The following PDE12 variants were observed in gnomAD, a reference collection of about 807,000 sequenced individuals.
PDE12 encodes the protein phosphodiesterase 12.
In PDE12, 26 loss-of-function variants were observed where a neutral mutation model predicts 45.4. The observed-to-expected ratio is 0.57, with a 90% CI of 0.42 to 0.79. The LOEUF (loss-of-function observed/expected upper bound fraction) is 0.79. Ranked by LOEUF, PDE12 falls within the 30% of genes least tolerant of loss-of-function variation. The probability of loss-of-function intolerance (pLI) is 0.00; values close to 1 mark genes in which losing one functional copy is unlikely to be tolerated. For synonymous variants in PDE12, 283 were observed against 323.9 expected (o/e 0.87, Z 1.36); for missense variants, 668 against 790.0 (o/e 0.85, Z 1.85).
chr3:57,577,800 T>A, the PDE12 span, among the ~76,000 whole-genome samples: 1 of 152,076 alleles, frequency 6.6e-6, no homozygotes. Flanking sequence ...CCCAGCACTT[T>A]GGGAGGCTGA....
the PDE12 span, among the ~76,000 whole-genome samples, chr3:57,580,555 C>T: frequency 1.3e-5 from 2 of 151,878 alleles, no homozygotes; most frequent in African/African-American, 4.8e-5. Flanking sequence ...GAGTATGCCA[C>T]CATGCCCAGG....
At chr3:57,574,900 G>A in the PDE12 span, among the ~76,000 whole-genome samples, 2,412 of 150,226 alleles carry the variant, frequency 0.016, 62 homozygotes, top group African/African-American at 0.056. Context: ...CCAGGCTGGA[G>A]TGCAGTGGCG....
At chr3:57,628,407 T>A in the PDE12 span, 2 of 1,551,846 alleles carry the variant, frequency 1.3e-6, no homozygotes, top group Admixed American at 4.0e-5. Context: ...ATACATTACA[T>A]TCTCTAAATA....
the PDE12 span, among the ~76,000 whole-genome samples, chr3:57,589,327 C>G: frequency 6.6e-6 from 1 of 152,098 alleles, no homozygotes; most frequent in African/African-American, 2.4e-5. Context: ...ACGTGGGAGG[C>G]TGAGGCAGGA....
At position 57,561,673 on chromosome 3, in the gene PDE12, G is replaced by C; in HGVS notation, c.*1669G>C. 1.0e-6 allele frequency: 1 copy of C among 984,952 alleles called. No individual in the cohort carries two copies. Among genetic ancestry groups the C allele is most frequent in the South Asian group, 4.7e-5 (1 of 21,284 alleles). 61.0% of individuals were successfully genotyped at this position (984,952 alleles called of 1,614,324 possible). A position where few individuals can be genotyped will look rare whatever the true frequency, so the allele number is the denominator to read the frequency against. On this transcript the variant is annotated 3_prime_UTR_variant, in exon 3 of 3. Transcript: ENST00000311180. Reference sequence around the variant, plus strand: ...AGTATTAAAAGCCCACTCCCTTCAAGAAAAGCTTTGATTTTCCCCAGTCAT... The same window carrying C: ...AGTATTAAAAGCCCACTCCCTTCAACAAAAGCTTTGATTTTCCCCAGTCAT...
Position 57,559,980 on chromosome 3 carries a change from T to C in PDE12, c.1806T>C (p.Leu602=), listed in dbSNP as rs1244417468. The stretch of plus-strand genomic sequence containing the variant: ...CCCATCCCTCTGATCACATAGCACT[T>C]GTATGTGATTTAAAATGGAAATAGA... The part of the protein sequence containing the change: ...SVSHPSDHIA[L]VCDLKWK The change falls in exon 3 of 3, where the codon CTT becomes CTC. Residue 602 remains leucine (L), a synonymous_variant. Transcript: ENST00000311180. 1.9e-6 allele frequency: 3 copies of C among 1,606,526 alleles called. No homozygotes were observed. The highest frequency in any genetic ancestry group is 1.3e-5 in the African/African-American group (1 of 74,890).
chr3:57,579,474 G>A, the PDE12 span, among the ~76,000 whole-genome samples: 1 of 151,882 alleles, frequency 6.6e-6, no homozygotes, highest in Admixed American at 6.6e-5. Flanking sequence ...TTTTAGTAGA[G>A]ATGAGATTTT....
chr3:57,606,404 A>T, the PDE12 span, among the ~76,000 whole-genome samples: 1 of 152,178 alleles, frequency 6.6e-6, no homozygotes, highest in African/African-American at 2.4e-5. Flanking sequence ...AAAAAGAAGG[A>T]AAAATAAAGA....
the PDE12 span, among the ~76,000 whole-genome samples, chr3:57,651,283 C>T: frequency 6.6e-6 from 1 of 152,182 alleles, no homozygotes; most frequent in Non-Finnish European, 1.5e-5. Flanking sequence ...TTTCAACTTA[C>T]AATTTGCAAA....
At chr3:57,650,983 C>G in the PDE12 span, among the ~76,000 whole-genome samples, 2 of 152,074 alleles carry the variant, frequency 1.3e-5, no homozygotes, top group Non-Finnish European at 2.9e-5. Context: ...GGGGTTTCTC[C>G]ATGCCAGTCA....
the PDE12 span, among the ~76,000 whole-genome samples, chr3:57,650,421 T>TACACACACAC: frequency 2.4e-4 from 36 of 149,976 alleles, no homozygotes; most frequent in East Asian, 4.3e-3. Context: ...TGCATTTACA[T>TACACACACAC]ACACACACAC....
At chr3:57,568,045 G>A (rs1165955828), downstream of PDE12, among the ~76,000 whole-genome samples, 2 of 138,576 alleles carry the variant, frequency 1.4e-5, no homozygotes, top group African/African-American at 5.8e-5. Flanking sequence ...TCCAGCCTGG[G>A]TGATAAGAGT....
the PDE12 span, among the ~76,000 whole-genome samples, chr3:57,610,156 CA>C: frequency 6.6e-6 from 1 of 152,098 alleles, no homozygotes; most frequent in South Asian, 2.1e-4. Flanking sequence ...TCAATAGATG[CA>C]GAAAAGGCCT....
rs894122398 is a variant in PDE12 at position 57,566,469 on chromosome 3, GT to G, written c.*6470del. ...GTGATAAGTTTTTGAGTGAATATGT[GT>G]TTTTGTTTCTCTTGGGCACATACAG... On this transcript the variant is annotated 3_prime_UTR_variant, in exon 3 of 3. Transcript: ENST00000311180. The G allele has an allele frequency of 6.6e-6, 1 of 152,128 alleles. No homozygotes were observed. Among genetic ancestry groups the G allele is most frequent in the African/African-American group, 2.4e-5 (1 of 41,426 alleles). 9.4% of individuals were successfully genotyped at this position (152,128 alleles called of 1,614,324 possible).
the PDE12 span, among the ~76,000 whole-genome samples, chr3:57,623,053 T>C: frequency 6.6e-6 from 1 of 152,208 alleles, no homozygotes; most frequent in Admixed American, 6.5e-5. Context: ...TATCAAATTA[T>C]ACACTTTAAA....
chr3:57,581,649 A>G, the PDE12 span, among the ~76,000 whole-genome samples: 1 of 152,096 alleles, frequency 6.6e-6, no homozygotes, highest in Admixed American at 6.6e-5. Flanking sequence ...AAAAATACAA[A>G]ATTAGCCAGG....
chr3:57,576,589 A>T, the PDE12 span, among the ~76,000 whole-genome samples: 1 of 149,250 alleles, frequency 6.7e-6, no homozygotes, highest in Non-Finnish European at 1.5e-5. Context: ...AGTTACACAT[A>T]TACTGGCACA....
the PDE12 span, among the ~76,000 whole-genome samples, chr3:57,610,615 T>C: frequency 6.6e-6 from 1 of 152,252 alleles, no homozygotes; most frequent in East Asian, 1.9e-4. Context: ...AGCCAAATCA[T>C]GAGTGAACTC....
downstream of PDE12, among the ~76,000 whole-genome samples, chr3:57,568,112 A>G (rs1249360956): frequency 6.7e-6 from 1 of 149,926 alleles, no homozygotes; most frequent in Non-Finnish European, 1.5e-5. Flanking sequence ...CTTGTTTTCA[A>G]TGACAAGTTA....
Sources: gnomAD v4.1 joint callset for allele counts (sites outside exome capture counted in the v4.1 genomes callset) on GRCh38, gnomAD v4.1.1 for gene constraint, MANE v1.5 for transcripts, NCBI Gene and HGNC (gene_info 2026-07-23, HGNC 2026-07-21) for gene names.